Variants in PALS2 observed in about 807,000 individuals in gnomAD.
The protein encoded by PALS2 is protein PALS2.
A neutral mutation model predicts 61.6 loss-of-function variants in PALS2; 27 were observed. That is an observed-to-expected ratio of 0.44 (90% CI 0.32 to 0.60). The LOEUF is 0.60. Among genes scored for constraint, PALS2 ranks in the 20% least tolerant of loss-of-function variants. The pLI, the probability that PALS2 is intolerant of heterozygous loss-of-function variation, is 0.05. For synonymous variants in PALS2, 236 were observed against 218.6 expected (o/e 1.08, Z -0.70); for missense variants, 554 against 639.4 (o/e 0.87, Z 1.44).
At chr7:24,642,744 C>T (rs182540065) in intron 3 of PALS2, among the ~76,000 whole-genome samples, 258 of 152,144 alleles carry the variant, frequency 1.7e-3, no homozygotes, top group Non-Finnish European at 2.8e-3. Context: ...GAGATGGTTC[C>T]GACATAAATT....
chr7:24,660,977 C>T (rs1786688035), intron 5 of PALS2, among the ~76,000 whole-genome samples: 1 of 152,078 alleles, frequency 6.6e-6, no homozygotes, highest in Admixed American at 6.6e-5. Context: ...TGAACATCTC[C>T]TATGCTTAAA....
intron 1 of PALS2, among the ~76,000 whole-genome samples, chr7:24,585,959 T>C (rs1783050490): frequency 6.6e-6 from 1 of 152,208 alleles, no homozygotes; most frequent in African/African-American, 2.4e-5. Context: ...TGGAGTTCCC[T>C]CTTTTGCAAA....
At chr7:24,634,630 A>G (rs956513461) in intron 2 of PALS2, among the ~76,000 whole-genome samples, 3 of 152,200 alleles carry the variant, frequency 2.0e-5, no homozygotes, top group Admixed American at 2.0e-4. Context: ...TGCTAAATCC[A>G]TGGTCATGAA....
chr7:24,612,884 C>A (rs1784163399), intron 1 of PALS2, among the ~76,000 whole-genome samples: 1 of 151,668 alleles, frequency 6.6e-6, no homozygotes, highest in South Asian at 2.1e-4. Context: ...TTGTCTAGTC[C>A]CTGACTTAAT....
At chr7:24,623,225 TTG>T (rs1784597100) in intron 1 of PALS2, among the ~76,000 whole-genome samples, 1 of 151,110 alleles carries the variant, frequency 6.6e-6, no homozygotes, top group African/African-American at 2.4e-5. Flanking sequence ...TTGAAGGAGT[TTG>T]TGAAGTATTG....
intron 9 of PALS2, among the ~76,000 whole-genome samples, chr7:24,676,580 A>G (rs529335195): frequency 2.0e-5 from 3 of 152,014 alleles, no homozygotes; most frequent in Admixed American, 6.6e-5. Context: ...ATCCAGTTTC[A>G]GCTTTCTATG....
chr7:24,653,219 T>A (rs916297629), intron 5 of PALS2, among the ~76,000 whole-genome samples: 2 of 152,188 alleles, frequency 1.3e-5, no homozygotes, highest in African/African-American at 4.8e-5. Context: ...CAAGTTAGAT[T>A]TATTATCCCA....
intron 1 of PALS2, among the ~76,000 whole-genome samples, chr7:24,593,517 CT>C (rs1283466163): frequency 6.6e-6 from 1 of 152,086 alleles, no homozygotes; most frequent in Non-Finnish European, 1.5e-5. Context: ...CAGCTATCGT[CT>C]TATGAGATGT....
At chr7:24,675,840 C>G (rs1251753604) in intron 9 of PALS2, among the ~76,000 whole-genome samples, 2 of 126,500 alleles carry the variant, frequency 1.6e-5, no homozygotes, top group Non-Finnish European at 3.1e-5. Flanking sequence ...TGAATAATGC[C>G]GCAATAAACA....
At chr7:24,683,050 G>C (rs1214441908) in intron 11 of PALS2, among the ~76,000 whole-genome samples, 2 of 152,198 alleles carry the variant, frequency 1.3e-5, no homozygotes, top group Non-Finnish European at 2.9e-5. Context: ...AGATTAATCA[G>C]TGGGGTCAGA....
chr7:24,606,591 A>G (rs992374597), intron 1 of PALS2, among the ~76,000 whole-genome samples: 9 of 152,042 alleles, frequency 5.9e-5, no homozygotes, highest in African/African-American at 2.2e-4. Context: ...TAAAGTAGGC[A>G]TTTAATTAGG....
intron 6 of PALS2, 54 bp from the exon 7 acceptor site, chr7:24,665,534 A>G: frequency 6.6e-7 from 1 of 1,513,118 alleles, no homozygotes; most frequent in Non-Finnish European, 9.2e-7. Context: ...ACTTAATAGA[A>G]TATGGTCTCA....
At chr7:24,655,264 A>G (rs1786355403) in intron 5 of PALS2, among the ~76,000 whole-genome samples, 1 of 152,226 alleles carries the variant, frequency 6.6e-6, no homozygotes, top group Admixed American at 6.5e-5. Flanking sequence ...ACATGTTAAT[A>G]AGCATATAAA....
At chr7:24,633,736 C>T (rs1353975404) in intron 2 of PALS2, among the ~76,000 whole-genome samples, 1 of 151,930 alleles carries the variant, frequency 6.6e-6, no homozygotes, top group African/African-American at 2.4e-5. Flanking sequence ...TTTATGTAGA[C>T]GTAGTTTTTT....
intron 2 of PALS2, among the ~76,000 whole-genome samples, chr7:24,639,391 C>T (rs1431814713): frequency 7.4e-6 from 1 of 135,548 alleles, no homozygotes; most frequent in Admixed American, 7.2e-5. Context: ...TATAATATAC[C>T]TACCTTTGCT....
At chr7:24,595,512 A>AT (rs376095207) in intron 1 of PALS2, among the ~76,000 whole-genome samples, 10,231 of 109,968 alleles carry the variant, frequency 0.093, 496 homozygotes, top group African/African-American at 0.2. Context: ...TATATATAAT[A>AT]TATAATATAT....
intron 5 of PALS2, among the ~76,000 whole-genome samples, chr7:24,652,813 A>G (rs987560884): frequency 2.6e-5 from 4 of 152,184 alleles, no homozygotes; most frequent in Admixed American, 6.5e-5. Flanking sequence ...ACTCTTCCCT[A>G]CCACGGTAAT....
chr7:24,650,316 A>G (rs757783084), intron 4 of PALS2, among the ~76,000 whole-genome samples, 169 bp from the exon 5 acceptor site: 40 of 152,154 alleles, frequency 2.6e-4, no homozygotes, highest in Admixed American at 5.2e-4. Context: ...AATAAACTAT[A>G]CTAGTACACA....
chr7:24,648,725 G>A (rs1490072244), intron 3 of PALS2, among the ~76,000 whole-genome samples: 1 of 151,916 alleles, frequency 6.6e-6, no homozygotes, highest in African/African-American at 2.4e-5. Context: ...CTAACACGGT[G>A]AAACCCCGTC....
Sources: allele counts gnomAD v4.1 joint callset (sites outside exome capture counted in the v4.1 genomes callset), GRCh38; gene constraint gnomAD v4.1.1; transcripts MANE v1.5; gene names NCBI Gene and HGNC (gene_info 2026-07-23, HGNC 2026-07-21).